Variants in RBFOX1 observed in about 807,000 individuals in gnomAD.
RBFOX1 encodes RNA binding fox-1 homolog 1.
Under a neutral mutation model 57.7 loss-of-function variants are expected in RBFOX1, and 8 were observed. The ratio of observed to expected loss-of-function variants is 0.14; its 90% CI spans 0.08 to 0.25. The LOEUF is 0.25. Among genes scored for constraint, RBFOX1 ranks in the 10% least tolerant of loss-of-function variants. The probability of loss-of-function intolerance (pLI) is 1.00; values close to 1 mark genes in which losing one functional copy is unlikely to be tolerated. For missense variants in RBFOX1, 611 were observed against 548.5 expected (o/e 1.11, Z -1.14); for synonymous variants, 326 against 222.4 (o/e 1.47, Z -4.15).
At chr16:5,659,093 A>G (rs1378688276) in intron 3 of RBFOX1, among the ~76,000 whole-genome samples, 1 of 151,962 alleles carries the variant, frequency 6.6e-6, no homozygotes, top group East Asian at 1.9e-4. Flanking sequence ...ACTGTTTTCC[A>G]TAGTGGTTGT....
At chr16:5,750,705 C>T (rs1011933196) in intron 3 of RBFOX1, among the ~76,000 whole-genome samples, 4 of 152,306 alleles carry the variant, frequency 2.6e-5, no homozygotes, top group African/African-American at 9.6e-5. Context: ...CGTTTGCTGA[C>T]TGTTGGAAAA....
chr16:7,328,751 G>C (rs1215703854), intron 4 of RBFOX1: 2 of 151,952 alleles, frequency 1.3e-5, no homozygotes, highest in Admixed American at 6.6e-5. Context: ...CACCAAGGAA[G>C]CATTAGGAGA....
intron 4 of RBFOX1, among the ~76,000 whole-genome samples, chr16:7,221,805 C>A (rs1309863540): frequency 1.3e-5 from 2 of 152,202 alleles, no homozygotes; most frequent in East Asian, 1.9e-4. Flanking sequence ...CAAGCGAGAT[C>A]TAAGAAAGCA....
chr16:7,206,447 CTTA>C (rs1262369423), intron 4 of RBFOX1, among the ~76,000 whole-genome samples: 1 of 147,972 alleles, frequency 6.8e-6, no homozygotes, highest in African/African-American at 2.5e-5. Context: ...ATTATATTTC[CTTA>C]TTAATATATA....
chr16:5,510,608 A>T (rs2043550080), intron 2 of RBFOX1, among the ~76,000 whole-genome samples: 1 of 152,150 alleles, frequency 6.6e-6, no homozygotes, highest in Admixed American at 6.5e-5. Context: ...GGGGAGATGA[A>T]AAATGGGGGC....
chr16:7,165,203 T>C (rs1360444630), intron 4 of RBFOX1, among the ~76,000 whole-genome samples: 1 of 151,988 alleles, frequency 6.6e-6, no homozygotes, highest in African/African-American at 2.4e-5. Context: ...CAAGACAGTC[T>C]CTATCTCTGC....
chr16:7,121,595 A>C (rs972753021), intron 4 of RBFOX1, among the ~76,000 whole-genome samples: 1 of 152,160 alleles, frequency 6.6e-6, no homozygotes, highest in South Asian at 2.1e-4. Flanking sequence ...AGATTCAAAG[A>C]CTCATTGTAG....
chr16:5,638,337 G>C lies in RBFOX1; in HGVS notation c.318+39376G>C, dbSNP rs2048753617. On this transcript the variant is annotated intron_variant, in intron 3 of 19. Transcript: ENST00000641259. ...CTATCTTGCCTTATGACACAGAGGT[G>C]ATTAAAGATGCTAAACGTTGTTTGG... Among the ~76,000 whole-genome samples the C allele has an allele frequency of 1.3e-5, 2 of 152,168 alleles. 1 individual carries two copies. Among genetic ancestry groups the C allele is most frequent in the South Asian group, 4.1e-4 (2 of 4,824 alleles).
chr16:5,513,790 A>G (rs369666716), intron 2 of RBFOX1, among the ~76,000 whole-genome samples: 5 of 152,090 alleles, frequency 3.3e-5, no homozygotes, highest in African/African-American at 4.8e-5. Flanking sequence ...GTTTTTTTTG[A>G]TGGATTTATT....
intron 15 of RBFOX1, chr16:7,710,196 T>G: frequency 9.7e-7 from 1 of 1,028,754 alleles, no homozygotes; most frequent in Non-Finnish European, 1.2e-6. Context: ...AAGAAGTAGG[T>G]TGAGATTTTC....
intron 3 of RBFOX1, among the ~76,000 whole-genome samples, chr16:5,638,403 G>C (rs1180007742): frequency 6.6e-6 from 1 of 152,176 alleles, no homozygotes; most frequent in Non-Finnish European, 1.5e-5. Context: ...CCCTAGCAGG[G>C]GGAGGGCTTC....
chr16:6,750,615 A>G (rs2074742000), intron 3 of RBFOX1, among the ~76,000 whole-genome samples: 1 of 152,242 alleles, frequency 6.6e-6, no homozygotes, highest in African/African-American at 2.4e-5. Flanking sequence ...ATATTTTGAA[A>G]GAAACATTGA....
At chr16:6,498,259 A>C (rs55766322) in intron 2 of RBFOX1, among the ~76,000 whole-genome samples, 38,323 of 147,072 alleles carry the variant, frequency 0.26, 6,107 homozygotes, top group Non-Finnish European at 0.37. Context: ...CTCAAAACAA[A>C]AAAAAAAAAA....
At chr16:6,533,220 C>T (rs968351164) in intron 2 of RBFOX1, among the ~76,000 whole-genome samples, 1 of 152,194 alleles carries the variant, frequency 6.6e-6, no homozygotes, top group Admixed American at 6.6e-5. Flanking sequence ...TATAGTGATA[C>T]AGGATTCTTG....
intron 4 of RBFOX1, among the ~76,000 whole-genome samples, chr16:7,195,594 C>T (rs907728314): frequency 6.6e-6 from 1 of 152,166 alleles, no homozygotes; most frequent in Admixed American, 6.5e-5. Flanking sequence ...GTCCAACTCT[C>T]TTGCCCAGGC....
intron 1 of RBFOX1, among the ~76,000 whole-genome samples, chr16:5,240,944 A>G (rs1052403636): frequency 6.6e-6 from 1 of 152,200 alleles, no homozygotes; most frequent in East Asian, 1.9e-4. Context: ...TGTACCCCTC[A>G]GTGAGGGCCG....
intron 5 of RBFOX1, among the ~76,000 whole-genome samples, chr16:7,552,945 AG>A (rs1343381796): frequency 1.3e-5 from 2 of 152,180 alleles, no homozygotes; most frequent in Middle Eastern, 3.4e-3. Flanking sequence ...GGACTCCCAA[AG>A]CACTGGGATT....
intron 1 of RBFOX1, among the ~76,000 whole-genome samples, chr16:6,154,315 T>C (rs962681926): frequency 2.6e-5 from 4 of 152,218 alleles, no homozygotes; most frequent in African/African-American, 9.6e-5. Flanking sequence ...TTGCACCAAG[T>C]TAGTATAAAG....
At chr16:7,704,640 G>A (rs2081858044) in intron 14 of RBFOX1, among the ~76,000 whole-genome samples, 1 of 152,208 alleles carries the variant, frequency 6.6e-6, no homozygotes, top group African/African-American at 2.4e-5. Flanking sequence ...AGCCTCCATG[G>A]AGTTCTCGTT....
Sources: gnomAD v4.1 joint callset for allele counts (sites outside exome capture counted in the v4.1 genomes callset) on GRCh38, gnomAD v4.1.1 for gene constraint, MANE v1.5 for transcripts, NCBI Gene and HGNC (gene_info 2026-07-23, HGNC 2026-07-21) for gene names.